BCR: variants seen among roughly 807,000 people sequenced by gnomAD.
BCR encodes breakpoint cluster region protein.
A neutral mutation model predicts 138.6 loss-of-function variants in BCR; 58 were observed. That is an observed-to-expected ratio of 0.42 (90% CI 0.34 to 0.52). The LOEUF (loss-of-function observed/expected upper bound fraction) is 0.52. Ranked by LOEUF, BCR falls within the 20% of genes least tolerant of loss-of-function variation. BCR has a pLI of 0.06. For missense variants in BCR, 1,599 were observed against 1,727.2 expected, an observed-to-expected ratio of 0.93 and a Z score of 1.32; for synonymous variants, 786 against 730.1, an observed-to-expected ratio of 1.08 and a Z score of -1.23.
chr22:23,291,128 A>G (rs1311313815), intron 14 of BCR: 1 of 152,100 alleles, frequency 6.6e-6, no homozygotes, highest in Non-Finnish European at 1.5e-5. Flanking sequence ...GAATCGCTTG[A>G]ACCCAGGAGG....
chr22:23,202,814 T>C (rs2072571806), intron 1 of BCR, among the ~76,000 whole-genome samples: 1 of 151,896 alleles, frequency 6.6e-6, no homozygotes, highest in Non-Finnish European at 1.5e-5. Flanking sequence ...CATTTTTAAA[T>C]GTACAGTTCA....
At position 23,315,886 on chromosome 22, in the gene BCR, C is replaced by T; in HGVS notation, c.*364C>T. 1 of 427,392 alleles carries T rather than the reference C, an allele frequency of 2.3e-6. No individual in the cohort carries two copies. 26.5% of individuals were successfully genotyped at this position (427,392 alleles called of 1,614,324 possible). Reference sequence around the variant, plus strand: ...GATCACTTGTCAAGATGCGCCCTCTCTGGGGAGAAGGGAACGTGACTGGAT... The same window carrying T: ...GATCACTTGTCAAGATGCGCCCTCTTTGGGGAGAAGGGAACGTGACTGGAT... On this transcript the variant is annotated 3_prime_UTR_variant, in exon 23 of 23. Coordinates refer to ENST00000305877, the MANE Select transcript of BCR (RefSeq NM_004327.4).
At chr22:23,302,295 A>G (rs578087486) in intron 16 of BCR, 5 of 152,894 alleles carry the variant, frequency 3.3e-5, no homozygotes, top group Admixed American at 6.5e-5. Context: ...TGCTGCCCAC[A>G]GACAGGCACA....
chr22:23,311,336 A>G (rs1219720016), intron 18 of BCR, among the ~76,000 whole-genome samples: 1 of 150,128 alleles, frequency 6.7e-6, no homozygotes, highest in Non-Finnish European at 1.5e-5. Context: ...GGGTGGCAGG[A>G]CCAACACCGG....
chr22:23,284,037 C>T lies in BCR; in HGVS notation c.2176C>T (p.Arg726Cys), dbSNP rs1410579779. Residue 726 changes from arginine (R) to cysteine (C), a missense_variant, in exon 9 of 23, where the codon CGC becomes TGC. Around this residue, in one of 4 missense-constraint regions of BCR, gnomAD observed 590 missense variants for 762.4 expected, o/e 0.77. Coordinates refer to ENST00000305877, the MANE Select transcript of BCR (RefSeq NM_004327.4). The stretch of plus-strand genomic sequence containing the variant: ...GCTGGTGGAGGGGGCCCGCAAGCTG[C>T]GCCACGTCTTCCTGTTCACCGACCT... The part of the protein sequence containing the change: ...VELVEGARKL[R>C]HVFLFTDLLL... 12 of 1,607,778 alleles carry T rather than the reference C, an allele frequency of 7.5e-6. No individual in the cohort carries two copies. The highest frequency in any genetic ancestry group is 1.0e-5 in the Non-Finnish European group (12 of 1,177,362).
chr22:23,263,720 A>G, intron 4 of BCR: 2 of 1,409,338 alleles, frequency 1.4e-6, no homozygotes, highest in Non-Finnish European at 2.0e-6. Context: ...TGGGCTCATG[A>G]ACAGGAGGTG....
intron 4 of BCR, chr22:23,264,074 C>A: frequency 8.0e-7 from 1 of 1,245,332 alleles, no homozygotes; most frequent in Non-Finnish European, 1.2e-6. Context: ...ATGTTCGCTA[C>A]TGGGACTGCC....
chr22:23,279,330 G>C (rs1168203071), intron 8 of BCR, among the ~76,000 whole-genome samples: 1 of 152,230 alleles, frequency 6.6e-6, no homozygotes. Context: ...GTCAAGAGCA[G>C]GTGAGAGGGA....
Position 23,314,732 on chromosome 22 carries a change from C to T in BCR, c.3726+18C>T, listed in dbSNP as rs2074049170. 2 of 1,611,738 alleles carry T rather than the reference C, an allele frequency of 1.2e-6. No homozygotes were observed. The highest frequency in any genetic ancestry group is 2.7e-5 in the African/African-American group (2 of 74,972). On this transcript the variant is annotated intron_variant, in intron 22 of 22. Transcript: ENST00000305877. Reference sequence around the variant, plus strand: ...TGTCCCAGGTATGGGAAGACAGGCTCCAGCCCATGCAACCCTGACCTGACA... The same window carrying T: ...TGTCCCAGGTATGGGAAGACAGGCTTCAGCCCATGCAACCCTGACCTGACA...
chr22:23,311,940 G>A (rs1175100154), intron 19 of BCR, 104 bp downstream of exon 19: 1 of 1,495,964 alleles, frequency 6.7e-7, no homozygotes, highest in Non-Finnish European at 8.9e-7. Context: ...CCTTCTCTGT[G>A]TCTTTTCTTC....
intron 16 of BCR, among the ~76,000 whole-genome samples, chr22:23,303,094 G>A (rs900259983): frequency 1.3e-5 from 2 of 151,782 alleles, no homozygotes; most frequent in African/African-American, 4.8e-5. Context: ...TCTAGTGCAT[G>A]TAACAGTACT....
At chr22:23,210,887 C>T (rs1024230427) in intron 1 of BCR, among the ~76,000 whole-genome samples, 4 of 152,146 alleles carry the variant, frequency 2.6e-5, no homozygotes, top group Non-Finnish European at 2.9e-5. Flanking sequence ...CTTTCTATCC[C>T]ACTAACATCT....
chr22:23,181,368 A>G lies in BCR; in HGVS notation c.408A>G (p.Ala136=). 1 of 1,528,364 alleles carries G rather than the reference A, an allele frequency of 6.5e-7. No individual in the cohort carries two copies. Among genetic ancestry groups the G allele is most frequent in the Non-Finnish European group, 8.7e-7 (1 of 1,143,352 alleles). The allele number at this position is 1,528,364 out of a possible 1,614,324, so 94.7% of individuals were successfully genotyped here. The stretch of plus-strand genomic sequence containing the variant: ...CCGGGACCGCCCGCAGGCCCGGGGC[A>G]GCCGCGTCGGGGGAACGGGACGACC... ...ARPGTARRPG[A]AASGERDDRG... is the part of the protein sequence containing the mutation. Residue 136 remains alanine, a synonymous_variant, in exon 1 of 23, where the codon GCA becomes GCG. Coordinates refer to ENST00000305877, the MANE Select transcript of BCR (RefSeq NM_004327.4).
At chr22:23,302,273 G>A (rs1295686068) in intron 16 of BCR, 2 of 152,606 alleles carry the variant, frequency 1.3e-5, no homozygotes, top group African/African-American at 4.8e-5. Context: ...CAGCCCAGAA[G>A]ATCCCGACTC....
intron 2 of BCR, among the ~76,000 whole-genome samples, chr22:23,257,187 A>G (rs905915077): frequency 6.6e-6 from 1 of 152,126 alleles, no homozygotes; most frequent in Admixed American, 6.5e-5. Context: ...AGCACTATTC[A>G]GGACTCTAGA....
At chr22:23,199,421 A>G (rs1336282009) in intron 1 of BCR, 3 of 439,890 alleles carry the variant, frequency 6.8e-6, no homozygotes, top group Non-Finnish European at 1.4e-5. Flanking sequence ...TCTGGCAAGG[A>G]AGTCTGGGAA....
intron 1 of BCR, among the ~76,000 whole-genome samples, chr22:23,235,351 AT>A (rs1176002595): frequency 6.9e-6 from 1 of 144,660 alleles, no homozygotes; most frequent in African/African-American, 2.4e-5. Context: ...AAGTGCTGAG[AT>A]TACTAGTGTG....
intron 1 of BCR, among the ~76,000 whole-genome samples, chr22:23,201,707 G>A (rs1234145184): frequency 1.3e-5 from 2 of 152,072 alleles, no homozygotes; most frequent in African/African-American, 4.8e-5. Context: ...CGCCCTCCTC[G>A]GCCTCCCAAA....
At chr22:23,295,404 G>T (rs371826170) in intron 16 of BCR, among the ~76,000 whole-genome samples, 4 of 152,284 alleles carry the variant, frequency 2.6e-5, no homozygotes, top group South Asian at 4.1e-4. Context: ...CATTCAACTT[G>T]GTTTTGCAGC....
Sources: allele counts gnomAD v4.1 joint callset (sites outside exome capture counted in the v4.1 genomes callset), GRCh38; gene constraint gnomAD v4.1.1; regional missense constraint gnomAD v4.1.1; transcripts MANE v1.5; gene names NCBI Gene and HGNC (gene_info 2026-07-23, HGNC 2026-07-21).